The following MAN1A2 variants were observed in gnomAD, a reference collection of about 807,000 sequenced individuals.
The protein encoded by MAN1A2 is mannosidase alpha class 1A member 2.
In MAN1A2, 26 loss-of-function variants were observed where a neutral mutation model predicts 75.7. That is an observed-to-expected ratio of 0.34 (90% CI 0.25 to 0.48). The LOEUF is 0.48. Ranked by LOEUF, MAN1A2 falls within the 20% of genes least tolerant of loss-of-function variation. The probability of loss-of-function intolerance (pLI) is 0.99; values close to 1 mark genes in which losing one functional copy is unlikely to be tolerated. For synonymous variants in MAN1A2, 247 were observed against 264.6 expected (o/e 0.93, Z 0.65); for missense variants, 562 against 775.5 (o/e 0.72, Z 3.27).
At chr1:117,407,114 AAAG>A (rs1464667156) in intron 3 of MAN1A2, among the ~76,000 whole-genome samples, 1 of 152,104 alleles carries the variant, frequency 6.6e-6, no homozygotes, top group Non-Finnish European at 1.5e-5. Flanking sequence ...AATGGTAGAA[AAAG>A]AAAATCTACA....
At chr1:117,377,345 C>G (rs2101721152) in intron 1 of MAN1A2, among the ~76,000 whole-genome samples, 1 of 152,332 alleles carries the variant, frequency 6.6e-6, no homozygotes, top group South Asian at 2.1e-4. Context: ...CATTGAGCCT[C>G]TGGCTCTTCT....
In MAN1A2 at chr1:117,499,454, A is replaced by C; in HGVS notation, c.1577A>C (p.Lys526Thr). Reference sequence around the variant, plus strand: ...GCTGTGGCTGTCCGGCAGGCTGAAAAGTATTATATCCTCCGTCCAGAAGTA... The same window carrying C: ...GCTGTGGCTGTCCGGCAGGCTGAAACGTATTATATCCTCCGTCCAGAAGTA... ...VEAVAVRQAE[K>T]YYILRPEVIE... is the part of the protein sequence containing the mutation. The change falls in exon 11 of 13, where the codon AAG becomes ACG. Residue 526 changes from lysine (K) to threonine (T), a missense_variant. Around this residue, in one of 2 missense-constraint regions of MAN1A2, gnomAD observed 434 missense variants for 645.7 expected, o/e 0.67. Coordinates refer to ENST00000356554, the MANE Select transcript of MAN1A2 (RefSeq NM_006699.5). The C allele has an allele frequency of 6.2e-7, 1 of 1,607,756 alleles. No individual in the cohort carries two copies. The highest frequency in any genetic ancestry group is 8.5e-7 in the Non-Finnish European group (1 of 1,177,020).
At chr1:117,460,399 G>T in intron 6 of MAN1A2, 90 bp from the exon 7 acceptor site, 1 of 791,138 alleles carries the variant, frequency 1.3e-6, no homozygotes, top group South Asian at 2.2e-5. Context: ...TAATTTATAA[G>T]AGATCTATTT....
intron 12 of MAN1A2, among the ~76,000 whole-genome samples, chr1:117,505,776 A>G (rs1651338944): frequency 6.6e-6 from 1 of 151,208 alleles, no homozygotes; most frequent in Non-Finnish European, 1.5e-5. Context: ...AGAATTTTTT[A>G]TGTTGCTAAA....
chr1:117,439,777 G>C (rs1648969133), intron 5 of MAN1A2, among the ~76,000 whole-genome samples: 1 of 152,118 alleles, frequency 6.6e-6, no homozygotes, highest in Non-Finnish European at 1.5e-5. Flanking sequence ...TGATAGGGGT[G>C]AGCCACCACG....
At chr1:117,487,917 T>G (rs1650763275) in intron 8 of MAN1A2, among the ~76,000 whole-genome samples, 1 of 152,102 alleles carries the variant, frequency 6.6e-6, no homozygotes, top group South Asian at 2.1e-4. Context: ...TAATTTAGCT[T>G]CTAACTATAA....
Position 117,512,191 on chromosome 1 carries a change from C to CA in MAN1A2, c.1793+9225dup, listed in dbSNP as rs538870669. Among the ~76,000 whole-genome samples the CA allele has an allele frequency of 7.1e-4, 108 of 152,122 alleles. 1 individual carries two copies. The highest frequency in any genetic ancestry group is 2.6e-3 in the African/African-American group (107 of 41,530). On this transcript the variant is annotated intron_variant, in intron 12 of 12. Coordinates refer to ENST00000356554, the MANE Select transcript of MAN1A2 (RefSeq NM_006699.5). Reference sequence around the variant, plus strand: ...TAAAGCAAGAAGAAGGGACCCAAGGCAAAATGTGAAAGCTGAGGATGTCAG... The same window carrying CA: ...TAAAGCAAGAAGAAGGGACCCAAGGCAAAAATGTGAAAGCTGAGGATGTCAG...
intron 5 of MAN1A2, among the ~76,000 whole-genome samples, chr1:117,434,639 A>G (rs1475851085): frequency 6.6e-6 from 1 of 152,180 alleles, no homozygotes; most frequent in Non-Finnish European, 1.5e-5. Context: ...ATCTGTTACC[A>G]TAGGATAAAA....
At chr1:117,514,173 G>A (rs904753002) in intron 12 of MAN1A2, among the ~76,000 whole-genome samples, 2 of 151,980 alleles carry the variant, frequency 1.3e-5, no homozygotes, top group African/African-American at 2.4e-5. Context: ...GACCAGCCTG[G>A]CCAACATGGT....
chr1:117,455,226 A>G (rs897615975), intron 6 of MAN1A2, among the ~76,000 whole-genome samples: 7 of 152,184 alleles, frequency 4.6e-5, no homozygotes, highest in African/African-American at 1.7e-4. Flanking sequence ...TCTCAAAGAC[A>G]TGTTGAGTGA....
chr1:117,408,319 AAAAG>A (rs1163393951), intron 3 of MAN1A2, among the ~76,000 whole-genome samples: 1 of 151,834 alleles, frequency 6.6e-6, no homozygotes. Context: ...AAAAAAAAAA[AAAAG>A]CAGAATGAGT....
chr1:117,420,644 G>C lies in MAN1A2; in HGVS notation c.850G>C (p.Glu284Gln), dbSNP rs1336424303. Reference sequence around the variant, plus strand: ...ACTTGCAGCATATTACCTATCAGGAGAGGAGGTGAGCAAAATCAAGCAATG... The same window carrying C: ...ACTTGCAGCATATTACCTATCAGGACAGGAGGTGAGCAAAATCAAGCAATG... ...GLLAAYYLSG[E>Q]EIFKIKAVQL... is the part of the protein sequence containing the mutation. Residue 284 changes from glutamate (E) to glutamine (Q), a missense_variant, in exon 5 of 13, where the codon GAG (glutamate) becomes CAG (glutamine). Transcript: ENST00000356554. The C allele has an allele frequency of 6.2e-7, 1 of 1,611,418 alleles. No homozygotes were observed.
intron 5 of MAN1A2, among the ~76,000 whole-genome samples, chr1:117,431,038 T>A (rs1486030978): frequency 7.6e-6 from 1 of 131,390 alleles, no homozygotes; most frequent in Non-Finnish European, 1.6e-5. Context: ...TGAAACCCCG[T>A]CTCCACCAAA....
rs189975303 is a variant in MAN1A2, at chr1:117,504,537, T to A, written c.1793+1567T>A. Among the ~76,000 whole-genome samples the A allele has an allele frequency of 2.5e-3, 374 of 151,470 alleles. 1 individual carries two copies. Among genetic ancestry groups the A allele is most frequent in the Non-Finnish European group, 3.1e-3 (210 of 67,550 alleles). On this transcript the variant is annotated intron_variant, in intron 12 of 12. Coordinates refer to ENST00000356554, the MANE Select transcript of MAN1A2 (RefSeq NM_006699.5). The stretch of plus-strand genomic sequence containing the variant: ...TTCAAGAAAAGGTCATCATCTTACA[T>A]AATCACCATTCAGTTCTCACACTTG...
chr1:117,409,249 G>A (rs1228926082), intron 3 of MAN1A2, among the ~76,000 whole-genome samples: 1 of 151,958 alleles, frequency 6.6e-6, no homozygotes, highest in African/African-American at 2.4e-5. Flanking sequence ...TTTCTAATGT[G>A]TTTATTACTG....
At chr1:117,488,489 C>T (rs938919515) in intron 8 of MAN1A2, among the ~76,000 whole-genome samples, 1 of 152,004 alleles carries the variant, frequency 6.6e-6, no homozygotes, top group Non-Finnish European at 1.5e-5. Context: ...AGCCACCATA[C>T]CCGGCTGCAA....
intron 5 of MAN1A2, among the ~76,000 whole-genome samples, chr1:117,429,386 G>A (rs1468231651): frequency 7.2e-6 from 1 of 138,236 alleles, no homozygotes; most frequent in Admixed American, 6.9e-5. Flanking sequence ...CGGCCGGGCA[G>A]AGGCGCCCCT....
Position 117,368,583 on chromosome 1 carries a change from A to T in MAN1A2, c.302+98A>T, listed in dbSNP as rs564553699. 117 of 1,129,714 alleles carry T rather than the reference A, an allele frequency of 1.0e-4. No homozygotes were observed. The Admixed American group carries it at 1.3e-3, about 13-fold the overall frequency. The allele number at this position is 1,129,714 out of a possible 1,614,324, so 70.0% of individuals were successfully genotyped here. A position where few individuals can be genotyped will look rare whatever the true frequency, so the allele number is the denominator to read the frequency against. On this transcript the variant is annotated intron_variant, in intron 1 of 12. Transcript: ENST00000356554. Reference sequence around the variant, plus strand: ...TTTTTTTTTCTTGCAGTAAAATGTAATTTTTCGAGTCATAAATATTGTATT... The same window carrying T: ...TTTTTTTTTCTTGCAGTAAAATGTATTTTTTCGAGTCATAAATATTGTATT...
intron 8 of MAN1A2, among the ~76,000 whole-genome samples, chr1:117,489,780 G>C (rs900638160): frequency 3.9e-5 from 6 of 152,022 alleles, no homozygotes; most frequent in African/African-American, 1.2e-4. Flanking sequence ...CCACAAGTGT[G>C]TTTTGTGAGC....
Sources: gnomAD v4.1 joint callset for allele counts (sites outside exome capture counted in the v4.1 genomes callset) on GRCh38, gnomAD v4.1.1 for gene constraint, gnomAD v4.1.1 regional missense constraint, MANE v1.5 for transcripts, NCBI Gene and HGNC (gene_info 2026-07-23, HGNC 2026-07-21) for gene names.